Variants in AP2B1 observed in about 807,000 individuals in gnomAD.
AP2B1 encodes AP-2 complex subunit beta.
AP2B1 carries 23 observed loss-of-function variants against 102.0 expected under a neutral mutation model. The ratio of observed to expected loss-of-function variants is 0.23; its 90% CI spans 0.16 to 0.32. The LOEUF is 0.32. AP2B1 is among the 10% of genes least tolerant of loss of function. The probability of loss-of-function intolerance (pLI) is 1.00; values close to 1 mark genes in which losing one functional copy is unlikely to be tolerated. For synonymous variants in AP2B1, 381 were observed against 421.2 expected (o/e 0.90, Z 1.17); for missense variants, 541 against 1,157.4 (o/e 0.47, Z 7.73).
chr17:35,698,093 G>A (rs954645373), intron 18 of AP2B1, among the ~76,000 whole-genome samples: 1 of 152,342 alleles, frequency 6.6e-6, no homozygotes, highest in South Asian at 2.1e-4. Context: ...TTAAAAAAGG[G>A]TAGTCATCTA....
chr17:35,644,735 T>TAA (rs1018093734), intron 12 of AP2B1, among the ~76,000 whole-genome samples: 5 of 152,100 alleles, frequency 3.3e-5, no homozygotes, highest in African/African-American at 9.6e-5. Context: ...GAAGTTATCA[T>TAA]AAAACAGTAA....
At position 35,627,792 on chromosome 17, in the gene AP2B1, T is replaced by C; in HGVS notation, c.1155+66T>C. 6 of 1,327,422 alleles carry C rather than the reference T, an allele frequency of 4.5e-6. No individual in the cohort carries two copies. The South Asian group carries it at 8.1e-5, about 18-fold the overall frequency. The allele number at this position is 1,327,422 out of a possible 1,614,324, so 82.2% of individuals were successfully genotyped here. On this transcript the variant is annotated intron_variant, in intron 9 of 21. Transcript: ENST00000610402. ...CTGAGAGTTCTCTTCACTTTTTTCT[T>C]TAAAATAATTTTTAAGTTTATCAAA...
At chr17:35,612,627 G>T (rs148573630) in intron 5 of AP2B1, among the ~76,000 whole-genome samples, 1 of 152,086 alleles carries the variant, frequency 6.6e-6, no homozygotes. Context: ...TTAAAGCAGA[G>T]GTTATTCCAT....
Position 35,723,768 on chromosome 17 carries a change from A to G in AP2B1, c.*69A>G. ...AGTCAAGAACTCTTAACTGGAAGAA[A>G]TTGTATTGCTGCGTAGAATCTGAAC... is the stretch of plus-strand genomic sequence containing the variant. On this transcript the variant is annotated 3_prime_UTR_variant, in exon 22 of 22. Transcript: ENST00000610402. 8.6e-7 allele frequency: 1 copy of G among 1,162,112 alleles called. No homozygotes were observed. The allele number at this position is 1,162,112 out of a possible 1,614,324, so 72.0% of individuals were successfully genotyped here.
Position 35,609,026 on chromosome 17 carries a change from G to A in AP2B1, c.525+639G>A, listed in dbSNP as rs544324976. Among the ~76,000 whole-genome samples the A allele has an allele frequency of 3.6e-4, 55 of 152,210 alleles. 1 individual carries two copies. The highest frequency in any genetic ancestry group is 1.1e-3 in the African/African-American group (45 of 41,522). On this transcript the variant is annotated intron_variant, in intron 5 of 21. Transcript: ENST00000610402. ...GGGTACTAATTGAATATATTGGATG[G>A]GTCATTAAATATTGTTGCCAGGAAG... is the stretch of plus-strand genomic sequence containing the variant.
intron 21 of AP2B1, among the ~76,000 whole-genome samples, chr17:35,719,585 T>C (rs1156380114): frequency 1.3e-5 from 2 of 152,242 alleles, no homozygotes; most frequent in Non-Finnish European, 2.9e-5. Flanking sequence ...TATGGCCAAG[T>C]AATAGTTCAC....
intron 9 of AP2B1, 23 bp from the exon 10 acceptor site, chr17:35,636,318 A>C (rs777523979): frequency 1.3e-5 from 21 of 1,575,726 alleles, no homozygotes; most frequent in Non-Finnish European, 1.7e-5. Flanking sequence ...CTGACTTCTC[A>C]TTTTTTGTAT....
chr17:35,687,250 C>T (rs2075955544), intron 18 of AP2B1, among the ~76,000 whole-genome samples: 1 of 151,674 alleles, frequency 6.6e-6, no homozygotes, highest in Non-Finnish European at 1.5e-5. Context: ...TAGCTGGGAC[C>T]ACAGGAGCAC....
intron 5 of AP2B1, among the ~76,000 whole-genome samples, chr17:35,614,569 C>T (rs530206887): frequency 1.4e-5 from 2 of 146,476 alleles, no homozygotes; most frequent in African/African-American, 5.0e-5. Flanking sequence ...ATCTTCCAGA[C>T]TGTCTATCAC....
At chr17:35,652,681 T>C (rs1248443553) in intron 13 of AP2B1, among the ~76,000 whole-genome samples, 1 of 152,214 alleles carries the variant, frequency 6.6e-6, no homozygotes, top group Non-Finnish European at 1.5e-5. Context: ...AATAATGATG[T>C]ATCATATTCT....
chr17:35,644,488 C>G (rs1458093210), intron 12 of AP2B1, among the ~76,000 whole-genome samples: 2 of 151,986 alleles, frequency 1.3e-5, no homozygotes, highest in Non-Finnish European at 2.9e-5. Context: ...AACAATTCTC[C>G]TACCTCAGCT....
intron 21 of AP2B1, among the ~76,000 whole-genome samples, chr17:35,719,775 C>T (rs587769921): frequency 5.3e-5 from 8 of 152,262 alleles, no homozygotes; most frequent in Non-Finnish European, 8.8e-5. Context: ...ATGGGAGGAT[C>T]GCTTGAGGAC....
At chr17:35,597,061 G>A (rs1597974885) in intron 2 of AP2B1, 1 of 571,158 alleles carries the variant, frequency 1.8e-6, no homozygotes, top group East Asian at 3.9e-5. Flanking sequence ...GTGGCCGGGG[G>A]CGAAGGACCC....
intron 5 of AP2B1, among the ~76,000 whole-genome samples, chr17:35,615,317 A>T (rs2073983167): frequency 6.6e-6 from 1 of 152,204 alleles, no homozygotes; most frequent in African/African-American, 2.4e-5. Flanking sequence ...ATGTATTTAA[A>T]ATTTTAAACT....
rs573199181 is a variant in AP2B1, at chr17:35,622,688, G to A, written c.526-1709G>A. Among the ~76,000 whole-genome samples, 12 of 152,070 alleles carry A rather than the reference G, an allele frequency of 7.9e-5. No homozygotes were observed. The South Asian group carries it at 2.1e-3, about 26-fold the overall frequency. ...ATATTTATTTATTTATTTTTGAGACGGAGTCTCACTCTGTCGCCCAAGCTG... is the reference window on the plus strand; with the variant it reads ...ATATTTATTTATTTATTTTTGAGACAGAGTCTCACTCTGTCGCCCAAGCTG... On this transcript the variant is annotated intron_variant, in intron 5 of 21. Transcript: ENST00000610402.
At chr17:35,704,538 C>T (rs1016128487) in intron 18 of AP2B1, among the ~76,000 whole-genome samples, 1 of 152,134 alleles carries the variant, frequency 6.6e-6, no homozygotes, top group African/African-American at 2.4e-5. Context: ...GAGACAGACC[C>T]TCCACTCAAG....
chr17:35,681,605 G>T (rs1211816788), intron 17 of AP2B1, among the ~76,000 whole-genome samples: 2 of 151,816 alleles, frequency 1.3e-5, no homozygotes, highest in African/African-American at 4.8e-5. Context: ...TTTGGTGGGG[G>T]GTGGGCAGTA....
Position 35,657,599 on chromosome 17 carries a change from C to CAT in AP2B1, c.1798_1799insTA (p.Thr600IlefsTer30). On this transcript the variant is annotated frameshift_variant and splice_region_variant, in exon 14 of 22. Coordinates refer to ENST00000610402, the MANE Select transcript of AP2B1 (RefSeq NM_001030006.2). LOFTEE classifies it high-confidence loss of function. ...CCATTTTATGTGTATGTGACTTTAG[C>CAT]ACTGATGCAGGTGACAGCCCTGTTG... 1 of 1,611,754 alleles carries CAT rather than the reference C, an allele frequency of 6.2e-7. No homozygotes were observed. The highest frequency in any genetic ancestry group is 8.5e-7 in the Non-Finnish European group (1 of 1,178,460).
At chr17:35,636,477 C>G (rs1360044030) in intron 10 of AP2B1, 21 bp downstream of exon 10, 6 of 1,567,306 alleles carry the variant, frequency 3.8e-6, no homozygotes, top group Non-Finnish European at 5.3e-6. Flanking sequence ...ATACCTTTAC[C>G]CCTCTTTCTC....
Sources: gnomAD v4.1 joint callset for allele counts (sites outside exome capture counted in the v4.1 genomes callset) on GRCh38, gnomAD v4.1.1 for gene constraint, MANE v1.5 for transcripts, NCBI Gene and HGNC (gene_info 2026-07-23, HGNC 2026-07-21) for gene names.